The following HIVEP2 variants were observed in gnomAD, a reference collection of about 807,000 sequenced individuals.
HIVEP2 encodes HIVEP zinc finger 2, also known as transcription factor HIVEP2.
In HIVEP2, 14 loss-of-function variants were observed where a neutral mutation model predicts 180.7. The observed-to-expected ratio is 0.08, with a 90% CI of 0.05 to 0.12. The LOEUF (loss-of-function observed/expected upper bound fraction) is 0.12. Among genes scored for constraint, HIVEP2 ranks in the 10% least tolerant of loss-of-function variants. The pLI is 1.00. For synonymous variants in HIVEP2, 1,184 were observed against 1,136.4 expected, an observed-to-expected ratio of 1.04 and a Z score of -0.84; for missense variants, 2,579 against 3,008.5, an observed-to-expected ratio of 0.86 and a Z score of 3.34.
chr6:142,915,349 A>G (rs1464557922), intron 1 of HIVEP2, among the ~76,000 whole-genome samples: 1 of 152,170 alleles, frequency 6.6e-6, no homozygotes, highest in East Asian at 1.9e-4. Flanking sequence ...ACACTACATG[A>G]AGACTGAGGC....
intron 1 of HIVEP2, among the ~76,000 whole-genome samples, chr6:142,884,800 T>C (rs535610877): frequency 1.3e-5 from 2 of 152,274 alleles, no homozygotes; most frequent in South Asian, 2.1e-4. Flanking sequence ...AGGAACCTTA[T>C]TCACACGTGT....
intron 1 of HIVEP2, among the ~76,000 whole-genome samples, chr6:142,872,373 A>C (rs1776311219): frequency 6.6e-6 from 1 of 152,212 alleles, no homozygotes; most frequent in Non-Finnish European, 1.5e-5. Context: ...CTAAACAGTT[A>C]TGTCCAACAA....
chr6:142,757,243 T>G (rs954529148), intron 9 of HIVEP2, among the ~76,000 whole-genome samples: 2 of 152,116 alleles, frequency 1.3e-5, no homozygotes, highest in Non-Finnish European at 2.9e-5. Flanking sequence ...TCAGGGAGGA[T>G]TCCCAGATCT....
intron 1 of HIVEP2, among the ~76,000 whole-genome samples, chr6:142,849,549 C>G (rs1463828968): frequency 2.6e-5 from 4 of 151,200 alleles, no homozygotes; most frequent in Non-Finnish European, 5.9e-5. Context: ...AGGTCTTGCT[C>G]TATCACCCAG....
At chr6:142,887,887 T>A (rs1463501304) in intron 1 of HIVEP2, among the ~76,000 whole-genome samples, 1 of 151,802 alleles carries the variant, frequency 6.6e-6, no homozygotes, top group Non-Finnish European at 1.5e-5. Context: ...GGTCACTAAA[T>A]TTAGGACCAG....
chr6:142,809,672 T>C (rs530438450), intron 2 of HIVEP2, among the ~76,000 whole-genome samples: 149 of 152,168 alleles, frequency 9.8e-4, no homozygotes, highest in African/African-American at 3.5e-3. Context: ...CAGCTCACTG[T>C]AACCTCTGCC....
rs545772106 is a variant in HIVEP2, at chr6:142,783,145, T to C, written c.-433+376A>G. On this transcript the variant is annotated intron_variant, in intron 3 of 9. Coordinates refer to ENST00000367603, the MANE Select transcript of HIVEP2 (RefSeq NM_006734.4). ...GAGATCGAGACCATCCTGGCCAACA[T>C]GGTGAAACCCTGTCTCTACTAAAAA... 1.3e-3 allele frequency among the ~76,000 whole-genome samples: 195 copies of C among 152,056 alleles called. 2 individuals carry two copies. The highest frequency in any genetic ancestry group is 4.3e-3 in the African/African-American group (178 of 41,500).
intron 1 of HIVEP2, among the ~76,000 whole-genome samples, chr6:142,860,466 T>C (rs888823134): frequency 1.3e-5 from 2 of 152,184 alleles, no homozygotes; most frequent in Non-Finnish European, 2.9e-5. Context: ...TTTATTTCTA[T>C]TATTAGTACA....
intron 2 of HIVEP2, among the ~76,000 whole-genome samples, chr6:142,795,872 T>C (rs991508520): frequency 2.0e-5 from 3 of 152,262 alleles, no homozygotes; most frequent in South Asian, 2.1e-4. Flanking sequence ...GCTGTTTCCA[T>C]TGGCGGTACA....
Position 142,774,684 on chromosome 6 carries a change from T to A in HIVEP2, c.55A>T (p.Thr19Ser). The change falls in exon 5 of 10, where the codon ACT becomes TCT. Residue 19 changes from threonine (T) to serine (S), a missense_variant. This residue lies in a region of HIVEP2 where 207 missense variants were observed against 210.1 expected (regional missense o/e 0.99). Coordinates refer to ENST00000367603, the MANE Select transcript of HIVEP2 (RefSeq NM_006734.4). This position sits in a 1 kb window ranked among gnomAD's most constrained non-coding sequence, Gnocchi z 5.1. Reference sequence around the variant, plus strand: ...CTCCATCTACCTGATGCTTTATCAGTTTCTCCAGACCTTGAGGTAGCTTTT... The same window carrying A: ...CTCCATCTACCTGATGCTTTATCAGATTCTCCAGACCTTGAGGTAGCTTTT... ...GQKATSRSGE[T>S]DKASGRWRQE... 1 of 1,614,166 alleles carries A rather than the reference T, an allele frequency of 6.2e-7. No homozygotes were observed.
At chr6:142,921,840 A>G (rs1256076939) in intron 1 of HIVEP2, among the ~76,000 whole-genome samples, 1 of 152,228 alleles carries the variant, frequency 6.6e-6, no homozygotes, top group Non-Finnish European at 1.5e-5. Flanking sequence ...TGCCTTCTCC[A>G]CACTTCCAAA....
chr6:142,940,284 TA>T (rs1253136894), intron 1 of HIVEP2, among the ~76,000 whole-genome samples: 11 of 152,170 alleles, frequency 7.2e-5, no homozygotes, highest in African/African-American at 1.4e-4. Flanking sequence ...TATTTGTTAT[TA>T]AAAAAATCTG....
chr6:142,887,557 T>C (rs1776732951), intron 1 of HIVEP2, among the ~76,000 whole-genome samples: 1 of 152,182 alleles, frequency 6.6e-6, no homozygotes, highest in South Asian at 2.1e-4. Context: ...ACTGACATAT[T>C]AACTATCAAT....
intron 2 of HIVEP2, among the ~76,000 whole-genome samples, chr6:142,814,651 T>C (rs987629682): frequency 1.3e-5 from 2 of 152,084 alleles, no homozygotes; most frequent in African/African-American, 4.8e-5. Flanking sequence ...ATAGTGGGGC[T>C]TTGCATGGAA....
chr6:142,754,286 A>G (rs1386560799), intron 9 of HIVEP2, among the ~76,000 whole-genome samples: 1 of 151,132 alleles, frequency 6.6e-6, no homozygotes, highest in African/African-American at 2.4e-5. Context: ...AAAAAAGTTT[A>G]CTGAGCAAAA....
At chr6:142,867,568 C>T (rs1366571197) in intron 1 of HIVEP2, among the ~76,000 whole-genome samples, 1 of 152,178 alleles carries the variant, frequency 6.6e-6, no homozygotes, top group Non-Finnish European at 1.5e-5. Flanking sequence ...TGGTCAGCAA[C>T]AGCTGCAGCT....
At chr6:142,785,684 T>A (rs1775982246) in intron 2 of HIVEP2, among the ~76,000 whole-genome samples, 1 of 152,216 alleles carries the variant, frequency 6.6e-6, no homozygotes, top group Admixed American at 6.5e-5. Flanking sequence ...CCAGTCTTAC[T>A]TTCTAAGATG....
chr6:142,796,261 G>A (rs936791756), intron 2 of HIVEP2, among the ~76,000 whole-genome samples: 7 of 152,020 alleles, frequency 4.6e-5, no homozygotes, highest in African/African-American at 1.7e-4. Flanking sequence ...GTTGACTCTT[G>A]AATGCCGCAG....
Position 142,820,297 on chromosome 6 carries a change from T to TTCTCTCTC in HIVEP2, c.-528+16630_-528+16637dup, listed in dbSNP as rs3057563. The stretch of plus-strand genomic sequence containing the variant: ...ACTACTTTACCAGGCTCGCTCTCTC[T>TTCTCTCTC]TCTCTCTCTCTCTCTCTCTCTCTCT... On this transcript the variant is annotated intron_variant, in intron 2 of 9. Coordinates refer to ENST00000367603, the MANE Select transcript of HIVEP2 (RefSeq NM_006734.4). 5.3e-3 allele frequency among the ~76,000 whole-genome samples: 783 copies of TTCTCTCTC among 148,308 alleles called. 4 individuals carry two copies. The highest frequency in any genetic ancestry group is 0.018 in the South Asian group (84 of 4,658).
Sources: allele counts gnomAD v4.1 joint callset (sites outside exome capture counted in the v4.1 genomes callset), GRCh38; gene constraint gnomAD v4.1.1; regional missense constraint gnomAD v4.1.1; non-coding constraint Gnocchi (gnomAD v3.1); transcripts MANE v1.5; gene names NCBI Gene and HGNC (gene_info 2026-07-23, HGNC 2026-07-21).